ALMS1: variants seen among roughly 807,000 people sequenced by gnomAD.
ALMS1 encodes the protein ALMS1 centrosome and basal body associated protein.
ALMS1 carries 271 observed loss-of-function variants against 352.2 expected under a neutral mutation model. The ratio of observed to expected loss-of-function variants is 0.77; its 90% CI spans 0.70 to 0.85. The LOEUF (loss-of-function observed/expected upper bound fraction) is 0.85, where lower values mean the gene tolerates loss of function less well. ALMS1 is among the 40% of genes least tolerant of loss of function. ALMS1 has a pLI of 0.00. For synonymous variants in ALMS1, 1,865 were observed against 1,761.2 expected, an observed-to-expected ratio of 1.06 and a Z score of -1.48; for missense variants, 5,445 against 4,870.7, an observed-to-expected ratio of 1.12 and a Z score of -3.51.
intron 15 of ALMS1, among the ~76,000 whole-genome samples, chr2:73,564,303 T>C (rs1674755558): frequency 6.6e-6 from 1 of 151,766 alleles, no homozygotes; most frequent in Non-Finnish European, 1.5e-5. Context: ...CCGTCTCTAC[T>C]GAAAATACAA....
intron 7 of ALMS1, among the ~76,000 whole-genome samples, chr2:73,432,606 A>C (rs12713782): frequency 6.6e-5 from 10 of 152,082 alleles, no homozygotes; most frequent in African/African-American, 2.4e-4. Flanking sequence ...GTGCCCTCCC[A>C]TGGTGGAAGG....
intron 9 of ALMS1, among the ~76,000 whole-genome samples, chr2:73,477,581 G>T (rs756309382): frequency 3.3e-5 from 5 of 151,746 alleles, no homozygotes; most frequent in African/African-American, 4.8e-5. Flanking sequence ...CTCTAGATTA[G>T]TTTAGGAAGT....
chr2:73,465,236 T>C (rs1401153914), intron 9 of ALMS1, among the ~76,000 whole-genome samples: 1 of 151,968 alleles, frequency 6.6e-6, no homozygotes, highest in African/African-American at 2.4e-5. Context: ...GACTTCAAAC[T>C]ATACTACAAG....
intron 1 of ALMS1, among the ~76,000 whole-genome samples, chr2:73,388,311 C>T (rs767819993): frequency 6.6e-6 from 1 of 152,050 alleles, no homozygotes; most frequent in Non-Finnish European, 1.5e-5. Context: ...TACATATGCA[C>T]GTAATTAACA....
intron 10 of ALMS1, among the ~76,000 whole-genome samples, chr2:73,509,183 G>A (rs1393302612): frequency 6.6e-6 from 1 of 152,036 alleles, no homozygotes; most frequent in East Asian, 1.9e-4. Context: ...GCACACCAAT[G>A]GGTCTTGACT....
chr2:73,570,301 A>T (rs536043450), intron 15 of ALMS1, among the ~76,000 whole-genome samples: 1 of 152,212 alleles, frequency 6.6e-6, no homozygotes, highest in African/African-American at 2.4e-5. Context: ...TGAAATGCAA[A>T]TTTGAAAATA....
chr2:73,550,226 T>G, intron 12 of ALMS1, 41 bp from the exon 13 acceptor site: 1 of 1,609,958 alleles, frequency 6.2e-7, no homozygotes, highest in East Asian at 2.2e-5. Context: ...CAATCTCATG[T>G]CGCTATTTGT....
intron 12 of ALMS1, among the ~76,000 whole-genome samples, chr2:73,544,109 A>G (rs986613893): frequency 6.6e-6 from 1 of 152,230 alleles, no homozygotes; most frequent in Admixed American, 6.5e-5. Flanking sequence ...AAGATTTGGA[A>G]CCAACCCAAA....
chr2:73,510,935 G>A (rs536567500), intron 10 of ALMS1, among the ~76,000 whole-genome samples: 1 of 152,286 alleles, frequency 6.6e-6, no homozygotes, highest in East Asian at 1.9e-4. Context: ...ATCTAGAGAG[G>A]CAGTCTGGGC....
At chr2:73,505,634 G>A (rs1343312093) in intron 10 of ALMS1, among the ~76,000 whole-genome samples, 1 of 151,978 alleles carries the variant, frequency 6.6e-6, no homozygotes, top group East Asian at 1.9e-4. Flanking sequence ...AAGTTTCCTT[G>A]ATTTTTGTTC....
At chr2:73,400,797 C>CT (rs1011826993) in intron 1 of ALMS1, among the ~76,000 whole-genome samples, 19 of 151,210 alleles carry the variant, frequency 1.3e-4, no homozygotes, top group Non-Finnish European at 2.5e-4. Flanking sequence ...TTTCTTTTTT[C>CT]TTTTTTTTGA....
Position 73,565,777 on chromosome 2 carries a change from C to A in ALMS1, c.10385-6485C>A, listed in dbSNP as rs117366912. Among the ~76,000 whole-genome samples, 42 of 152,264 alleles carry A rather than the reference C, an allele frequency of 2.8e-4. No homozygotes were observed. The East Asian group carries it at 7.9e-3, about 29-fold the overall frequency. On this transcript the variant is annotated intron_variant, in intron 15 of 22. Coordinates refer to ENST00000613296, the MANE Select transcript of ALMS1 (RefSeq NM_001378454.1). ...CTTCCCAAAAACCCATAACCCCAGTCTAATGAGAAAAACATGAGACAAACT... is the reference window on the plus strand; with the variant it reads ...CTTCCCAAAAACCCATAACCCCAGTATAATGAGAAAAACATGAGACAAACT...
chr2:73,558,914 T>A, intron 14 of ALMS1, 58 bp from the exon 15 acceptor site: 1 of 1,568,728 alleles, frequency 6.4e-7, no homozygotes. Context: ...TGAGAGACAT[T>A]TAAAAATCTT....
chr2:73,417,389 A>C (rs945075973), intron 2 of ALMS1, among the ~76,000 whole-genome samples: 1 of 152,206 alleles, frequency 6.6e-6, no homozygotes, highest in East Asian at 1.9e-4. Flanking sequence ...TTTTTAAAGA[A>C]AATTGAAGTT....
intron 10 of ALMS1, among the ~76,000 whole-genome samples, chr2:73,495,432 C>T (rs1673083794): frequency 6.6e-6 from 1 of 152,106 alleles, no homozygotes; most frequent in Non-Finnish European, 1.5e-5. Context: ...GACAGGGTTT[C>T]ACCATGTTGG....
intron 1 of ALMS1, among the ~76,000 whole-genome samples, chr2:73,402,489 G>A (rs189071511): frequency 1.8e-3 from 267 of 151,994 alleles, no homozygotes; most frequent in Non-Finnish European, 3.1e-3. Context: ...GGCCAAGCTG[G>A]TCTCAAACTC....
At chr2:73,387,870 G>A (rs1670571257) in intron 1 of ALMS1, among the ~76,000 whole-genome samples, 1 of 152,182 alleles carries the variant, frequency 6.6e-6, no homozygotes, top group Non-Finnish European at 1.5e-5. Context: ...AGTGTTGGTG[G>A]ATACAGGGAA....
chr2:73,588,302 A>G (rs1028278819), intron 16 of ALMS1, among the ~76,000 whole-genome samples: 7 of 151,778 alleles, frequency 4.6e-5, no homozygotes, highest in Non-Finnish European at 8.8e-5. Context: ...TTCTCTCTCT[A>G]TGATCTCTTT....
chr2:73,416,954 A>G (rs1671192564), intron 2 of ALMS1, among the ~76,000 whole-genome samples: 1 of 152,104 alleles, frequency 6.6e-6, no homozygotes, highest in Non-Finnish European at 1.5e-5. Flanking sequence ...TTAAAAAATT[A>G]ACTGAGTGCC....
Sources: allele counts gnomAD v4.1 joint callset (sites outside exome capture counted in the v4.1 genomes callset), GRCh38; gene constraint gnomAD v4.1.1; transcripts MANE v1.5; gene names NCBI Gene and HGNC (gene_info 2026-07-23, HGNC 2026-07-21).